Variants in RBMS3 observed in about 807,000 individuals in gnomAD.
RBMS3 encodes the protein RNA-binding motif, single-stranded-interacting protein 3.
Under a neutral mutation model 66.8 loss-of-function variants are expected in RBMS3, and 27 were observed. The observed-to-expected ratio is 0.40, with a 90% confidence interval of 0.30 to 0.56. The LOEUF (loss-of-function observed/expected upper bound fraction) is 0.56. Ranked by LOEUF, RBMS3 falls within the 20% of genes least tolerant of loss-of-function variation. RBMS3 has a pLI of 0.40. For synonymous variants in RBMS3, 188 were observed against 183.0 expected (o/e 1.03, Z -0.22); for missense variants, 513 against 549.5 (o/e 0.93, Z 0.66).
intron 4 of RBMS3, among the ~76,000 whole-genome samples, chr3:29,592,020 A>C (rs1382869461): frequency 7.2e-5 from 11 of 152,280 alleles, no homozygotes; most frequent in African/African-American, 2.6e-4. Flanking sequence ...ACCATGGCAG[A>C]AAACCAGATT....
chr3:29,657,199 T>C (rs2050356447), intron 4 of RBMS3, among the ~76,000 whole-genome samples: 1 of 152,216 alleles, frequency 6.6e-6, no homozygotes, highest in African/African-American at 2.4e-5. Context: ...CATAAAGTGT[T>C]TCCAGTCATT....
chr3:29,793,355 TC>T (rs200068291), intron 6 of RBMS3, among the ~76,000 whole-genome samples: 1 of 151,952 alleles, frequency 6.6e-6, no homozygotes, highest in African/African-American at 2.4e-5. Flanking sequence ...AATTTTTTTT[TC>T]CACTTCTGTA....
intron 4 of RBMS3, among the ~76,000 whole-genome samples, chr3:29,667,461 G>A (rs540093268): frequency 6.6e-6 from 1 of 152,262 alleles, no homozygotes; most frequent in South Asian, 2.1e-4. Flanking sequence ...GGGGCCCAGT[G>A]ATGAGTTTTT....
At chr3:29,563,750 C>T (rs1021739271) in intron 3 of RBMS3, among the ~76,000 whole-genome samples, 6 of 151,924 alleles carry the variant, frequency 3.9e-5, no homozygotes, top group Non-Finnish European at 7.4e-5. Flanking sequence ...GTTGACTGGG[C>T]GTGGTGACTC....
chr3:29,815,749 A>G (rs1027971151), intron 6 of RBMS3, among the ~76,000 whole-genome samples: 1 of 151,970 alleles, frequency 6.6e-6, no homozygotes, highest in African/African-American at 2.4e-5. Context: ...ATGCAAAGGC[A>G]TAAAAATGAT....
At chr3:29,328,957 C>T (rs1260818482) in intron 1 of RBMS3, among the ~76,000 whole-genome samples, 1 of 151,886 alleles carries the variant, frequency 6.6e-6, no homozygotes, top group Admixed American at 6.6e-5. Flanking sequence ...TGTGAAAACA[C>T]TCATTTTTGG....
intron 14 of RBMS3, among the ~76,000 whole-genome samples, chr3:30,002,220 G>A (rs1699644355): frequency 1.3e-5 from 2 of 152,026 alleles, no homozygotes; most frequent in Non-Finnish European, 2.9e-5. Context: ...TGAATATCAA[G>A]TACTTGAGCT....
At chr3:29,481,722 A>G (rs2043135439) in intron 2 of RBMS3, among the ~76,000 whole-genome samples, 1 of 152,208 alleles carries the variant, frequency 6.6e-6, no homozygotes, top group South Asian at 2.1e-4. Context: ...TAGAAAGCAT[A>G]AATGCTAAAT....
At chr3:29,656,136 T>C (rs1483304596) in intron 4 of RBMS3, among the ~76,000 whole-genome samples, 1 of 152,092 alleles carries the variant, frequency 6.6e-6, no homozygotes, top group Admixed American at 6.5e-5. Flanking sequence ...TAATTTATTA[T>C]TGAGGAAAGA....
In RBMS3 at chr3:29,299,184, A is replaced by C. The variant is rs183177334; in HGVS notation, c.75+17428A>C. 2.0e-4 allele frequency among the ~76,000 whole-genome samples: 31 copies of C among 152,016 alleles called. No homozygotes were observed. The East Asian group carries it at 4.9e-3, about 24-fold the overall frequency. ...GTATATTGCTTAAGTAACAGCAGGA[A>C]GGGAAAGTATTCTTGCTAGAATAAA... On this transcript the variant is annotated intron_variant, in intron 1 of 14. Coordinates refer to ENST00000383767, the MANE Select transcript of RBMS3 (RefSeq NM_001003793.3).
At chr3:29,312,304 T>C (rs1481350307) in intron 1 of RBMS3, among the ~76,000 whole-genome samples, 1 of 151,786 alleles carries the variant, frequency 6.6e-6, no homozygotes, top group Non-Finnish European at 1.5e-5. Flanking sequence ...TTTGTTGTTG[T>C]TGCATGTAAG....
intron 4 of RBMS3, among the ~76,000 whole-genome samples, chr3:29,666,088 T>G (rs1234389715): frequency 6.6e-6 from 1 of 152,178 alleles, no homozygotes; most frequent in Non-Finnish European, 1.5e-5. Flanking sequence ...CCGTGTGTAC[T>G]GGCATTTCCT....
intron 10 of RBMS3, among the ~76,000 whole-genome samples, chr3:29,906,458 T>A (rs149181391): frequency 1.3e-5 from 2 of 151,498 alleles, no homozygotes; most frequent in Non-Finnish European, 3.0e-5. Context: ...GCAACATTAA[T>A]CCATTCATGA....
chr3:29,610,334 A>G (rs959632854), intron 4 of RBMS3, among the ~76,000 whole-genome samples: 1 of 152,062 alleles, frequency 6.6e-6, no homozygotes, highest in African/African-American at 2.4e-5. Context: ...ATAATTTGTC[A>G]TGTTCTTTCT....
At chr3:29,286,962 C>T (rs1221858301) in intron 1 of RBMS3, among the ~76,000 whole-genome samples, 1 of 151,914 alleles carries the variant, frequency 6.6e-6, no homozygotes, top group Non-Finnish European at 1.5e-5. Flanking sequence ...TCTCATAAGC[C>T]ACAGCTGTAT....
At chr3:29,923,266 T>C (rs2060841539) in intron 10 of RBMS3, among the ~76,000 whole-genome samples, 2 of 152,188 alleles carry the variant, frequency 1.3e-5, no homozygotes, top group East Asian at 1.9e-4. Context: ...CAGTTGACAA[T>C]GGAGCTATTT....
At chr3:29,406,379 A>AAAGCT in intron 1 of RBMS3, among the ~76,000 whole-genome samples, 1 of 152,304 alleles carries the variant, frequency 6.6e-6, no homozygotes, top group Admixed American at 6.5e-5. Context: ...ATCTGTACTA[A>AAAGCT]AAGCTATGAC....
At chr3:29,957,626 A>G (rs982552923) in intron 12 of RBMS3, among the ~76,000 whole-genome samples, 2 of 152,218 alleles carry the variant, frequency 1.3e-5, no homozygotes, top group African/African-American at 4.8e-5. Context: ...GTGGAAATGT[A>G]CAATGTGTCT....
chr3:29,928,346 G>A (rs537306974), intron 10 of RBMS3, among the ~76,000 whole-genome samples: 18 of 91,462 alleles, frequency 2.0e-4, no homozygotes, highest in Non-Finnish European at 3.6e-4. Flanking sequence ...TATTTGGTGG[G>A]TAGAGATCAA....
Sources: gnomAD v4.1 joint callset for allele counts (sites outside exome capture counted in the v4.1 genomes callset) on GRCh38, gnomAD v4.1.1 for gene constraint, MANE v1.5 for transcripts, NCBI Gene and HGNC (gene_info 2026-07-23, HGNC 2026-07-21) for gene names.